The following AK5 variants were observed in gnomAD, a reference collection of about 807,000 sequenced individuals.
The protein encoded by AK5 is adenylate kinase 5.
Under a neutral mutation model 69.5 loss-of-function variants are expected in AK5, and 27 were observed. The observed-to-expected ratio is 0.39, with a 90% CI of 0.29 to 0.54. The LOEUF (loss-of-function observed/expected upper bound fraction) is 0.54. Among genes scored for constraint, AK5 ranks in the 20% least tolerant of loss-of-function variants. The pLI, the probability that AK5 is intolerant of heterozygous loss-of-function variation, is 0.71. For synonymous variants in AK5, 260 were observed against 244.4 expected, an observed-to-expected ratio of 1.06 and a Z score of -0.60; for missense variants, 531 against 700.4, an observed-to-expected ratio of 0.76 and a Z score of 2.73.
chr1:77,391,964 G>T (rs1349588134), intron 6 of AK5, among the ~76,000 whole-genome samples: 2 of 152,156 alleles, frequency 1.3e-5, no homozygotes, highest in Non-Finnish European at 2.9e-5. Context: ...ATTAACAGCT[G>T]CATTTTCCTC....
At chr1:77,355,879 ACAC>A (rs1662488459) in intron 6 of AK5, among the ~76,000 whole-genome samples, 1 of 138,782 alleles carries the variant, frequency 7.2e-6, no homozygotes, top group Admixed American at 7.3e-5. Flanking sequence ...ACACACACAC[ACAC>A]ACACACACAC....
rs1325054314 is a variant in AK5, at chr1:77,559,375, G to A, written c.*705G>A. ...TGGAATACTGTCGTCATGGCTAAGAGAACAAATCTGATAAATTGTGTAACC... is the reference window on the plus strand; with the variant it reads ...TGGAATACTGTCGTCATGGCTAAGAAAACAAATCTGATAAATTGTGTAACC... On this transcript the variant is annotated 3_prime_UTR_variant, in exon 14 of 14. Transcript: ENST00000354567. 1 of 152,136 alleles carries A rather than the reference G, an allele frequency of 6.6e-6. No homozygotes were observed. Among genetic ancestry groups the A allele is most frequent in the African/African-American group, 2.4e-5 (1 of 41,402 alleles). 9.4% of individuals were successfully genotyped at this position (152,136 alleles called of 1,614,324 possible). A position where few individuals can be genotyped will look rare whatever the true frequency, so the allele number is the denominator to read the frequency against.
chr1:77,557,776 T>C (rs1660185233), intron 13 of AK5, among the ~76,000 whole-genome samples: 2 of 151,866 alleles, frequency 1.3e-5, no homozygotes, highest in African/African-American at 4.9e-5. Context: ...AATAGGCACT[T>C]ATTGTTTTAA....
At chr1:77,472,226 G>A (rs1445147620) in intron 8 of AK5, among the ~76,000 whole-genome samples, 1 of 152,176 alleles carries the variant, frequency 6.6e-6, no homozygotes, top group Non-Finnish European at 1.5e-5. Context: ...TGGTCCAGCA[G>A]GGACACAAGG....
chr1:77,558,800 C>A lies in AK5; in HGVS notation c.*130C>A. 1.5e-6 allele frequency: 1 copy of A among 667,880 alleles called. No homozygotes were observed. The highest frequency in any genetic ancestry group is 2.6e-5 in the Admixed American group (1 of 39,160). The allele number at this position is 667,880 out of a possible 1,614,324, so 41.4% of individuals were successfully genotyped here. The stretch of plus-strand genomic sequence containing the variant: ...ACCACCACCTCCTAAATCCTGACAG[C>A]ACTGTTTGCTTCCCAGCTAGACCTG... On this transcript the variant is annotated 3_prime_UTR_variant, in exon 14 of 14. Coordinates refer to ENST00000354567, the MANE Select transcript of AK5 (RefSeq NM_174858.3).
intron 8 of AK5, among the ~76,000 whole-genome samples, chr1:77,472,139 T>A (rs145557319): frequency 5.9e-5 from 9 of 152,330 alleles, no homozygotes; most frequent in Admixed American, 2.0e-4. Flanking sequence ...GCAAGTAACC[T>A]AGCTAAAATT....
At chr1:77,459,485 AG>A (rs1385738339) in intron 8 of AK5, among the ~76,000 whole-genome samples, 4 of 152,146 alleles carry the variant, frequency 2.6e-5, no homozygotes, top group African/African-American at 9.7e-5. Flanking sequence ...TGCTTAACCC[AG>A]TGGTTCTCAA....
intron 6 of AK5, among the ~76,000 whole-genome samples, chr1:77,368,674 G>T (rs1647064626): frequency 6.6e-6 from 1 of 152,062 alleles, no homozygotes; most frequent in African/African-American, 2.4e-5. Flanking sequence ...CAGCACAGTA[G>T]CATCACCAGA....
At chr1:77,446,785 G>A (rs1652782308) in intron 8 of AK5, among the ~76,000 whole-genome samples, 1 of 152,146 alleles carries the variant, frequency 6.6e-6, no homozygotes. Context: ...GCTTATATTT[G>A]TAAAGCCGAT....
chr1:77,450,279 A>T (rs900216430), intron 8 of AK5, among the ~76,000 whole-genome samples: 3 of 151,766 alleles, frequency 2.0e-5, no homozygotes, highest in Admixed American at 6.6e-5. Flanking sequence ...AACTATTCCA[A>T]CCTCTGCCTG....
Position 77,293,945 on chromosome 1 carries a change from A to C in AK5, c.400A>C (p.Ile134Leu). 1.2e-6 allele frequency: 2 copies of C among 1,611,588 alleles called. No homozygotes were observed. Among genetic ancestry groups the C allele is most frequent in the Non-Finnish European group, 1.7e-6 (2 of 1,179,230 alleles). The change falls in exon 3 of 14, where the codon ATC (isoleucine) becomes CTC (leucine). Residue 134 changes from isoleucine (I) to leucine (L), a missense_variant. Transcript: ENST00000354567. Reference sequence around the variant, plus strand: ...TGATCCTACCAGACCTCGACCAAAAATCATTCTTGTTATAGGTATGAGGAC... The same window carrying C: ...TGATCCTACCAGACCTCGACCAAAACTCATTCTTGTTATAGGTATGAGGAC... ...VFDPTRPRPK[I>L]ILVIGGPGSG...
chr1:77,296,519 T>C (rs1659015116), intron 3 of AK5, among the ~76,000 whole-genome samples: 1 of 152,110 alleles, frequency 6.6e-6, no homozygotes, highest in Non-Finnish European at 1.5e-5. Flanking sequence ...TTCTTGAAAG[T>C]ACAATAACAT....
intron 12 of AK5, among the ~76,000 whole-genome samples, chr1:77,523,888 A>G (rs1658132095): frequency 6.6e-6 from 1 of 151,744 alleles, no homozygotes; most frequent in Non-Finnish European, 1.5e-5. Context: ...CTGGACTTGA[A>G]CTCCTGGGGT....
intron 13 of AK5, among the ~76,000 whole-genome samples, chr1:77,551,938 T>G (rs1659843924): frequency 6.6e-6 from 1 of 152,186 alleles, no homozygotes; most frequent in Non-Finnish European, 1.5e-5. Flanking sequence ...GAGCTTATTG[T>G]CTAGCTGGAT....
intron 5 of AK5, chr1:77,314,947 GTT>G (rs1660167884): frequency 6.6e-6 from 1 of 152,076 alleles, no homozygotes; most frequent in Admixed American, 6.5e-5. Flanking sequence ...ATGCTATCAT[GTT>G]CTAGGCTATT....
At chr1:77,295,789 AAG>A (rs941127772) in intron 3 of AK5, among the ~76,000 whole-genome samples, 3 of 152,198 alleles carry the variant, frequency 2.0e-5, no homozygotes, top group Admixed American at 6.5e-5. Context: ...TCTTGTATAA[AAG>A]AGCACAAATA....
chr1:77,332,038 A>G (rs1168469372), intron 5 of AK5, among the ~76,000 whole-genome samples: 2 of 152,170 alleles, frequency 1.3e-5, no homozygotes, highest in Non-Finnish European at 2.9e-5. Context: ...CCCCAGGCTC[A>G]GGGGATCCTC....
At chr1:77,492,694 GA>G (rs34581049) in intron 10 of AK5, among the ~76,000 whole-genome samples, 7,100 of 152,296 alleles carry the variant, frequency 0.047, 355 homozygotes, top group East Asian at 0.21. Context: ...TGTAGGCCTG[GA>G]AAAAGTTCTG....
intron 6 of AK5, chr1:77,340,798 T>C (rs1661617241): frequency 2.5e-6 from 1 of 404,286 alleles, no homozygotes; most frequent in Non-Finnish European, 4.4e-6. Flanking sequence ...AGAAGATAAA[T>C]TTTAACCTTG....
Sources: allele counts gnomAD v4.1 joint callset (sites outside exome capture counted in the v4.1 genomes callset), GRCh38; gene constraint gnomAD v4.1.1; transcripts MANE v1.5; gene names NCBI Gene and HGNC (gene_info 2026-07-23, HGNC 2026-07-21).